Variants in GALNTL6 observed in about 807,000 individuals in gnomAD.
The protein encoded by GALNTL6 is polypeptide N-acetylgalactosaminyltransferase-like 6.
GALNTL6 carries 46 observed loss-of-function variants against 73.7 expected under a neutral mutation model. That is an observed-to-expected ratio of 0.62 (90% CI 0.49 to 0.80). The LOEUF (loss-of-function observed/expected upper bound fraction) is 0.80. Among genes scored for constraint, GALNTL6 ranks in the 30% least tolerant of loss-of-function variants. The pLI is 0.00. For synonymous variants in GALNTL6, 259 were observed against 263.7 expected (o/e 0.98, Z 0.17); for missense variants, 604 against 755.0 (o/e 0.80, Z 2.34).
chr4:172,168,867 A>G (rs1734721606), intron 2 of GALNTL6, among the ~76,000 whole-genome samples: 1 of 152,208 alleles, frequency 6.6e-6, no homozygotes, highest in Admixed American at 6.5e-5. Context: ...ATGTTTTTAA[A>G]CATGTGTAAA....
At chr4:171,921,907 A>C (rs1737799335) in intron 2 of GALNTL6, among the ~76,000 whole-genome samples, 2 of 152,110 alleles carry the variant, frequency 1.3e-5, no homozygotes, top group Non-Finnish European at 2.9e-5. Flanking sequence ...AAGGGGAAAT[A>C]AAATAAAATA....
At chr4:172,767,692 G>T (rs1428028037) in intron 5 of GALNTL6, among the ~76,000 whole-genome samples, 2 of 113,060 alleles carry the variant, frequency 1.8e-5, no homozygotes, top group African/African-American at 3.2e-5. Context: ...TTTTGAGACA[G>T]TCTCATTCTG....
At chr4:172,773,838 G>A (rs1738913802) in intron 5 of GALNTL6, among the ~76,000 whole-genome samples, 1 of 152,132 alleles carries the variant, frequency 6.6e-6, no homozygotes, top group Non-Finnish European at 1.5e-5. Flanking sequence ...GAATGTGTTA[G>A]GGAAAAGTAT....
intron 3 of GALNTL6, among the ~76,000 whole-genome samples, chr4:172,285,872 C>T (rs1333568623): frequency 6.6e-6 from 1 of 152,168 alleles, no homozygotes; most frequent in Non-Finnish European, 1.5e-5. Flanking sequence ...AGACATCCGG[C>T]AGACATTGCC....
chr4:172,282,744 G>A (rs1199292640), intron 3 of GALNTL6, among the ~76,000 whole-genome samples: 1 of 151,998 alleles, frequency 6.6e-6, no homozygotes, highest in Non-Finnish European at 1.5e-5. Flanking sequence ...GGGTGATGGC[G>A]ATGGAACTGC....
intron 7 of GALNTL6, among the ~76,000 whole-genome samples, chr4:172,876,258 A>G (rs1745188931): frequency 6.6e-6 from 1 of 152,206 alleles, no homozygotes; most frequent in Non-Finnish European, 1.5e-5. Flanking sequence ...AGAATTATAA[A>G]TCATGGTACA....
chr4:171,977,990 C>T (rs567327043), intron 2 of GALNTL6, among the ~76,000 whole-genome samples: 34 of 152,104 alleles, frequency 2.2e-4, no homozygotes, highest in African/African-American at 8.0e-4. Context: ...TGCAGTTTTG[C>T]TCTCATGAGC....
chr4:172,297,970 C>G (rs188766927), intron 3 of GALNTL6, among the ~76,000 whole-genome samples: 2 of 152,304 alleles, frequency 1.3e-5, no homozygotes, highest in African/African-American at 4.8e-5. Flanking sequence ...GATATTGGTT[C>G]TTCCTACCCA....
chr4:172,501,340 C>A (rs1191510644), intron 5 of GALNTL6, among the ~76,000 whole-genome samples: 5 of 152,138 alleles, frequency 3.3e-5, no homozygotes, highest in African/African-American at 1.2e-4. Context: ...CTTTATTAAT[C>A]AAAAATTTCA....
intron 5 of GALNTL6, among the ~76,000 whole-genome samples, chr4:172,761,102 G>A (rs1469620973): frequency 6.6e-6 from 1 of 152,052 alleles, no homozygotes; most frequent in Non-Finnish European, 1.5e-5. Flanking sequence ...ACTAAGAATA[G>A]GCCAAATTAT....
rs560501130 is a variant in GALNTL6, at chr4:172,542,286, A to G, written c.553+193597A>G. ...AGGCTGGTCGCCCCATTCTAATCTT[A>G]TTATGCACACAGGCTTTCCAGTTGA... is the stretch of plus-strand genomic sequence containing the variant. On this transcript the variant is annotated intron_variant, in intron 5 of 12. Coordinates refer to ENST00000506823, the MANE Select transcript of GALNTL6 (RefSeq NM_001034845.3). Among the ~76,000 whole-genome samples, 6 of 152,102 alleles carry G rather than the reference A, an allele frequency of 3.9e-5. No individual in the cohort carries two copies. The South Asian group carries it at 1.2e-3, about 32-fold the overall frequency.
intron 3 of GALNTL6, among the ~76,000 whole-genome samples, chr4:172,289,179 C>G (rs1043121844): frequency 1.1e-4 from 16 of 151,996 alleles, no homozygotes; most frequent in Non-Finnish European, 7.4e-5. Context: ...ATTCAAAAAT[C>G]AAAATTAATT....
intron 5 of GALNTL6, among the ~76,000 whole-genome samples, chr4:172,458,644 A>G (rs1732497083): frequency 6.6e-6 from 1 of 152,208 alleles, no homozygotes. Context: ...ATTCCTGGAC[A>G]CATACACCCT....
intron 2 of GALNTL6, among the ~76,000 whole-genome samples, chr4:172,008,302 A>G (rs1740897978): frequency 1.3e-5 from 2 of 152,196 alleles, no homozygotes; most frequent in Admixed American, 1.3e-4. Context: ...AAGTCTCTGT[A>G]TGTTTTTGCA....
chr4:171,912,544 T>C (rs547025284), intron 2 of GALNTL6, among the ~76,000 whole-genome samples: 4 of 152,336 alleles, frequency 2.6e-5, no homozygotes, highest in African/African-American at 7.2e-5. Flanking sequence ...TATCTTTTCT[T>C]TGTGTTGGGA....
At chr4:172,328,294 G>T (rs1318960048) in intron 4 of GALNTL6, among the ~76,000 whole-genome samples, 4 of 152,056 alleles carry the variant, frequency 2.6e-5, no homozygotes, top group Non-Finnish European at 4.4e-5. Flanking sequence ...TAAGTGACCT[G>T]CCCTTTTGCC....
intron 5 of GALNTL6, among the ~76,000 whole-genome samples, chr4:172,716,505 A>AG (rs34360189): frequency 3.3e-5 from 5 of 152,040 alleles, no homozygotes; most frequent in African/African-American, 7.3e-5. Context: ...CAACTGTTTT[A>AG]TCAAACATTC....
intron 5 of GALNTL6, among the ~76,000 whole-genome samples, chr4:172,598,960 A>G (rs142482968): frequency 3.9e-5 from 6 of 152,286 alleles, no homozygotes; most frequent in African/African-American, 1.4e-4. Flanking sequence ...AAAATGTATC[A>G]TAGTAAGATT....
chr4:172,294,298 C>T (rs1739583539), intron 3 of GALNTL6, among the ~76,000 whole-genome samples: 1 of 152,048 alleles, frequency 6.6e-6, no homozygotes, highest in Non-Finnish European at 1.5e-5. Flanking sequence ...TTAGCATCAA[C>T]TTCTCATGCT....
Sources: gnomAD v4.1 joint callset for allele counts (sites outside exome capture counted in the v4.1 genomes callset) on GRCh38, gnomAD v4.1.1 for gene constraint, MANE v1.5 for transcripts, NCBI Gene and HGNC (gene_info 2026-07-23, HGNC 2026-07-21) for gene names.